The following ARHGAP22 variants were observed in gnomAD, a reference collection of about 807,000 sequenced individuals.
ARHGAP22 encodes rho GTPase-activating protein 22.
A neutral mutation model predicts 59.1 loss-of-function variants in ARHGAP22; 48 were observed. The observed-to-expected ratio is 0.81, with a 90% CI of 0.64 to 1.03. The LOEUF is 1.03. Ranked by LOEUF, ARHGAP22 falls within the 50% of genes least tolerant of loss-of-function variation. ARHGAP22 has a pLI of 0.00. For synonymous variants in ARHGAP22, 445 were observed against 416.4 expected (o/e 1.07, Z -0.84); for missense variants, 1,015 against 958.7 (o/e 1.06, Z -0.78).
At chr10:48,609,742 C>T (rs2060808570), upstream of ARHGAP22, among the ~76,000 whole-genome samples, 1 of 152,198 alleles carries the variant, frequency 6.6e-6, no homozygotes, top group South Asian at 2.1e-4. Context: ...TTTAACATTT[C>T]CCATTTCTTC....
intron 1 of ARHGAP22, among the ~76,000 whole-genome samples, chr10:48,603,856 T>G (rs1271395976): frequency 6.6e-6 from 1 of 152,216 alleles, no homozygotes; most frequent in Non-Finnish European, 1.5e-5. Context: ...CACAGGAGGC[T>G]GGAGGCCCCC....
intron 1 of ARHGAP22, among the ~76,000 whole-genome samples, chr10:48,621,027 C>G (rs1021418220): frequency 6.6e-6 from 1 of 152,264 alleles, no homozygotes; most frequent in African/African-American, 2.4e-5. Context: ...GCAGAGCACT[C>G]TAGCAAGCTT....
chr10:48,576,015 C>G (rs920043471), intron 2 of ARHGAP22, among the ~76,000 whole-genome samples: 3 of 152,180 alleles, frequency 2.0e-5, no homozygotes, highest in Non-Finnish European at 4.4e-5. Flanking sequence ...CTTCACTGAC[C>G]CCTATCGCAG....
chr10:48,650,627 C>T (rs1397291802), intron 1 of ARHGAP22, among the ~76,000 whole-genome samples: 1 of 152,162 alleles, frequency 6.6e-6, no homozygotes, highest in Non-Finnish European at 1.5e-5. Flanking sequence ...GTATGTCATG[C>T]AGTATGTCCT....
chr10:48,546,801 G>A (rs1187997356), intron 3 of ARHGAP22: 2 of 152,276 alleles, frequency 1.3e-5, no homozygotes, highest in Non-Finnish European at 2.9e-5. Flanking sequence ...TTGGGTTGCT[G>A]TTATTAATCA....
intron 3 of ARHGAP22, among the ~76,000 whole-genome samples, chr10:48,555,105 C>G (rs903944735): frequency 2.6e-5 from 4 of 152,198 alleles, no homozygotes; most frequent in African/African-American, 4.8e-5. Flanking sequence ...TATAATCATC[C>G]TTACCTAAAT....
rs779373623 is a variant in ARHGAP22 at position 48,451,125 on chromosome 10, T to C, written c.1004A>G (p.Gln335Arg). Reference protein sequence around the residue: ...VTIMEGTSLVQHLMTVLIRKH... With the variant: ...VTIMEGTSLVRHLMTVLIRKH... ...GCGGATGAGGACGGTCATCAGGTGC[T>C]GGACGAGGGAAGTGCCTGCCGGGAA... is the stretch of plus-strand genomic sequence containing the variant. The change falls in exon 9 of 10, where the codon CAG becomes CGG. Residue 335 changes from glutamine to arginine, a missense_variant. Gln to Arg is a conservative substitution (Grantham distance 43, BLOSUM62 1). Coordinates refer to ENST00000249601, the MANE Select transcript of ARHGAP22 (RefSeq NM_021226.4). The C allele has an allele frequency of 2.0e-5, 31 of 1,552,358 alleles. 1 individual carries two copies. In the South Asian group the frequency reaches 3.3e-4, roughly 17 times the overall value.
chr10:48,453,929 T>C (rs982019675), intron 7 of ARHGAP22, among the ~76,000 whole-genome samples, 159 bp downstream of exon 7: 3 of 152,164 alleles, frequency 2.0e-5, no homozygotes, highest in Admixed American at 6.5e-5. Flanking sequence ...GTCTGTGCTT[T>C]TCCACTCCCT....
chr10:48,653,879 T>A (rs1477603149), upstream of ARHGAP22, among the ~76,000 whole-genome samples: 2 of 152,208 alleles, frequency 1.3e-5, no homozygotes, highest in Non-Finnish European at 2.9e-5. Flanking sequence ...GCCCAGTTAG[T>A]TTTGCAGTGT....
intron 2 of ARHGAP22, among the ~76,000 whole-genome samples, chr10:48,570,183 T>G (rs1428161517): frequency 1.6e-5 from 2 of 123,460 alleles, no homozygotes; most frequent in African/African-American, 6.9e-5. Flanking sequence ...TTCATTTTGA[T>G]ATGTTTAATG....
chr10:48,458,240 G>T (rs945274452), intron 5 of ARHGAP22, among the ~76,000 whole-genome samples: 2 of 152,128 alleles, frequency 1.3e-5, no homozygotes, highest in South Asian at 4.1e-4. Context: ...CAGCCAGAGA[G>T]GGAGAAGGCA....
intron 3 of ARHGAP22, among the ~76,000 whole-genome samples, chr10:48,538,317 T>C (rs1007426056): frequency 3.9e-5 from 6 of 152,182 alleles, no homozygotes; most frequent in Admixed American, 2.6e-4. Flanking sequence ...AACCATTGGA[T>C]TTGGGGCCGC....
At chr10:48,598,609 G>T (rs932745910) in intron 1 of ARHGAP22, among the ~76,000 whole-genome samples, 22 of 152,258 alleles carry the variant, frequency 1.4e-4, no homozygotes, top group African/African-American at 4.8e-4. Flanking sequence ...CTCTCTCCCT[G>T]CCCTCAGGGC....
chr10:48,629,243 G>A lies in ARHGAP22; in HGVS notation c.52+22991C>T, dbSNP rs573567145. Among the ~76,000 whole-genome samples the A allele has an allele frequency of 3.9e-5, 6 of 152,324 alleles. No homozygotes were observed. In the South Asian group the frequency reaches 1.2e-3, roughly 32 times the overall value. Reference sequence around the variant, plus strand: ...GCCCCAACTTAGGACAGCCTGGAAAGCCCAGCTAACCCTCAGAGCTAAGTA... The same window carrying A: ...GCCCCAACTTAGGACAGCCTGGAAAACCCAGCTAACCCTCAGAGCTAAGTA... On this transcript the variant is annotated intron_variant, in intron 1 of 9. Transcript: ENST00000435790.
intron 3 of ARHGAP22, among the ~76,000 whole-genome samples, chr10:48,530,861 G>A (rs1349061356): frequency 1.8e-5 from 2 of 111,606 alleles, no homozygotes; most frequent in Non-Finnish European, 3.8e-5. Flanking sequence ...AAAACAGTGT[G>A]GGGATTCCTT....
chr10:48,654,770 ATTACTTTCTTTC>A (rs1206778835), upstream of ARHGAP22, among the ~76,000 whole-genome samples: 3 of 138,306 alleles, frequency 2.2e-5, no homozygotes, highest in Non-Finnish European at 4.7e-5. Flanking sequence ...GGACATGCTG[ATTACTTTCTTTC>A]TTTCTTTCTT....
upstream of ARHGAP22, chr10:48,605,129 G>C (rs1168740397): frequency 8.2e-7 from 1 of 1,221,840 alleles, no homozygotes; most frequent in African/African-American, 1.6e-5. Context: ...GGCTGTCCAA[G>C]CTGAGCGCGG....
At chr10:48,536,406 G>A (rs562141499) in intron 3 of ARHGAP22, among the ~76,000 whole-genome samples, 17 of 152,246 alleles carry the variant, frequency 1.1e-4, no homozygotes, top group African/African-American at 3.6e-4. Context: ...TTGTGCCCTC[G>A]CCACTATTTT....
chr10:48,628,562 A>C (rs1332064665), intron 1 of ARHGAP22, among the ~76,000 whole-genome samples: 1 of 152,076 alleles, frequency 6.6e-6, no homozygotes, highest in Non-Finnish European at 1.5e-5. Flanking sequence ...GCTCTACCCT[A>C]CCACCTTGAG....
Sources: allele counts gnomAD v4.1 joint callset (sites outside exome capture counted in the v4.1 genomes callset), GRCh38; gene constraint gnomAD v4.1.1; transcripts MANE v1.5; gene names NCBI Gene and HGNC (gene_info 2026-07-23, HGNC 2026-07-21).